Variants in ROCK2 observed in about 807,000 individuals in gnomAD.
ROCK2 encodes the protein rho-associated protein kinase 2.
In ROCK2, 61 loss-of-function variants were observed where a neutral mutation model predicts 195.1. The ratio of observed to expected loss-of-function variants is 0.31; its 90% CI spans 0.25 to 0.39. ROCK2 has a LOEUF of 0.39. Ranked by LOEUF, ROCK2 falls within the 10% of genes least tolerant of loss-of-function variation. The pLI, the probability that ROCK2 is intolerant of heterozygous loss-of-function variation, is 1.00. For synonymous variants in ROCK2, 504 were observed against 545.5 expected, an observed-to-expected ratio of 0.92 and a Z score of 1.06; for missense variants, 1,109 against 1,637.4, an observed-to-expected ratio of 0.68 and a Z score of 5.57.
At position 11,211,716 on chromosome 2, in the gene ROCK2, T is replaced by G; in HGVS notation, c.2168A>C (p.Glu723Ala). 1 of 1,612,856 alleles carries G rather than the reference T, an allele frequency of 6.2e-7. No individual in the cohort carries two copies. Among genetic ancestry groups the G allele is most frequent in the Non-Finnish European group, 8.5e-7 (1 of 1,179,486 alleles). The change falls in exon 18 of 33, where the codon GAG becomes GCG. Residue 723 changes from glutamate to alanine, a missense_variant. By Grantham distance (107) the Glu-to-Ala change is moderately radical (BLOSUM62 -1). Around this residue, in one of 6 missense-constraint regions of ROCK2, gnomAD observed 542 missense variants for 672.0 expected, o/e 0.81. Coordinates refer to ENST00000315872, the MANE Select transcript of ROCK2 (RefSeq NM_004850.5). ...ARLADKNKIYESIEEAKSEAM... is the reference protein window; with the variant it reads ...ARLADKNKIYASIEEAKSEAM... ...TTCTGATTTGGCTTCTTCGATGGAC[T>G]CATAGATCTTATTTTTATCTGCTAG...
At chr2:11,267,568 A>C (rs1052848435) in intron 3 of ROCK2, among the ~76,000 whole-genome samples, 1 of 151,982 alleles carries the variant, frequency 6.6e-6, no homozygotes, top group South Asian at 2.1e-4. Context: ...AACAATAACA[A>C]AGCTTCATTG....
intron 20 of ROCK2, among the ~76,000 whole-genome samples, chr2:11,203,315 G>A (rs980670934): frequency 2.0e-5 from 3 of 152,020 alleles, no homozygotes; most frequent in Non-Finnish European, 2.9e-5. Context: ...GCAAAAAATA[G>A]AATCAAATGT....
chr2:11,184,625 T>C (rs937732586), intron 32 of ROCK2: 25 of 984,976 alleles, frequency 2.5e-5, no homozygotes, highest in South Asian at 2.3e-4. Context: ...ATGCACTACG[T>C]TGAAGTACTA....
At chr2:11,238,312 C>T (rs1036641583) in intron 4 of ROCK2, among the ~76,000 whole-genome samples, 2 of 150,540 alleles carry the variant, frequency 1.3e-5, no homozygotes, top group Non-Finnish European at 2.9e-5. Flanking sequence ...AAGAGACCAC[C>T]TCATGTACAC....
At chr2:11,207,639 T>C in intron 20 of ROCK2, 87 bp downstream of exon 20, 2 of 1,005,402 alleles carry the variant, frequency 2.0e-6, no homozygotes, top group East Asian at 5.3e-5. Flanking sequence ...GAAAGTAAAA[T>C]GCTCAAAAGA....
intron 1 of ROCK2, among the ~76,000 whole-genome samples, chr2:11,323,458 G>T (rs1668457490): frequency 6.6e-6 from 1 of 152,110 alleles, no homozygotes; most frequent in African/African-American, 2.4e-5. Context: ...AAAGAATTGG[G>T]TGAAATTACA....
chr2:11,308,119 T>C (rs1338717194), intron 1 of ROCK2: 26 of 1,611,416 alleles, frequency 1.6e-5, no homozygotes, highest in South Asian at 2.2e-5. Context: ...GTGGAGGCGA[T>C]AGACAAGTAT....
chr2:11,203,080 T>C (rs1248715530), intron 20 of ROCK2, among the ~76,000 whole-genome samples: 1 of 152,176 alleles, frequency 6.6e-6, no homozygotes, highest in Non-Finnish European at 1.5e-5. Context: ...ACACTTAGTA[T>C]TTGTGTACTT....
At chr2:11,336,103 A>G (rs917354347) in intron 1 of ROCK2, among the ~76,000 whole-genome samples, 2 of 152,206 alleles carry the variant, frequency 1.3e-5, no homozygotes, top group African/African-American at 4.8e-5. Context: ...ATACCCTTCT[A>G]TGCTCCCTAA....
At chr2:11,316,733 G>A (rs1293041776) in intron 1 of ROCK2, among the ~76,000 whole-genome samples, 1 of 152,146 alleles carries the variant, frequency 6.6e-6, no homozygotes, top group Non-Finnish European at 1.5e-5. Context: ...TGTATTTTAA[G>A]TAATTATTGA....
chr2:11,268,675 T>C (rs1666514059), intron 3 of ROCK2, among the ~76,000 whole-genome samples: 1 of 152,190 alleles, frequency 6.6e-6, no homozygotes, highest in Non-Finnish European at 1.5e-5. Context: ...AGATTCTTTG[T>C]ATGTGACAAA....
At chr2:11,262,767 A>G (rs1049158550) in intron 3 of ROCK2, among the ~76,000 whole-genome samples, 1 of 152,188 alleles carries the variant, frequency 6.6e-6, no homozygotes, top group African/African-American at 2.4e-5. Flanking sequence ...TATTAGCAGC[A>G]TGAAAACAGA....
At chr2:11,269,082 G>T (rs773601668) in intron 3 of ROCK2, among the ~76,000 whole-genome samples, 1 of 152,036 alleles carries the variant, frequency 6.6e-6, no homozygotes, top group Non-Finnish European at 1.5e-5. Context: ...GTACTTTTCA[G>T]CTCTAGAAAT....
intron 3 of ROCK2, among the ~76,000 whole-genome samples, chr2:11,259,476 G>A (rs1452755961): frequency 6.6e-6 from 1 of 151,276 alleles, no homozygotes; most frequent in Non-Finnish European, 1.5e-5. Flanking sequence ...ACAAATATGG[G>A]TTTCAGGTCC....
At chr2:11,313,991 A>G (rs1200390874) in intron 1 of ROCK2, among the ~76,000 whole-genome samples, 1 of 151,916 alleles carries the variant, frequency 6.6e-6, no homozygotes, top group Non-Finnish European at 1.5e-5. Context: ...CTGCATAAAT[A>G]TATATAAGAA....
intron 3 of ROCK2, among the ~76,000 whole-genome samples, chr2:11,269,681 C>T (rs1021255282): frequency 5.3e-5 from 8 of 152,230 alleles, no homozygotes; most frequent in Admixed American, 6.5e-5. Flanking sequence ...GTCCAGGTAA[C>T]GAAAGAGATT....
At chr2:11,315,790 A>G (rs1421571102) in intron 1 of ROCK2, among the ~76,000 whole-genome samples, 12 of 152,164 alleles carry the variant, frequency 7.9e-5, no homozygotes, top group Non-Finnish European at 4.4e-5. Context: ...AATTAAAGCC[A>G]TAAGTACATT....
chr2:11,295,389 T>C (rs1034407243), intron 1 of ROCK2, among the ~76,000 whole-genome samples: 13 of 152,066 alleles, frequency 8.5e-5, no homozygotes, highest in African/African-American at 2.4e-4. Flanking sequence ...TATTTGAAAC[T>C]TGTACAGTTA....
chr2:11,283,099 T>A (rs199910239), intron 3 of ROCK2, among the ~76,000 whole-genome samples: 1 of 138,578 alleles, frequency 7.2e-6, no homozygotes, highest in Non-Finnish European at 1.6e-5. Flanking sequence ...AAACCCCATC[T>A]CTACTAAAAA....
Sources: gnomAD v4.1 joint callset for allele counts (sites outside exome capture counted in the v4.1 genomes callset) on GRCh38, gnomAD v4.1.1 for gene constraint, gnomAD v4.1.1 regional missense constraint, MANE v1.5 for transcripts, NCBI Gene and HGNC (gene_info 2026-07-23, HGNC 2026-07-21) for gene names.